CACNA2D1: variants seen among roughly 807,000 people sequenced by gnomAD.
CACNA2D1 encodes calcium voltage-gated channel auxiliary subunit alpha2delta 1, also known as voltage-dependent calcium channel subunit alpha-2/delta-1.
Under a neutral mutation model 171.5 loss-of-function variants are expected in CACNA2D1, and 53 were observed. That is an observed-to-expected ratio of 0.31 (90% confidence interval 0.25 to 0.39). The LOEUF is 0.39. Ranked by LOEUF, CACNA2D1 falls within the 10% of genes least tolerant of loss-of-function variation. The pLI is 1.00. For missense variants in CACNA2D1, 903 were observed against 1,299.8 expected, an observed-to-expected ratio of 0.69 and a Z score of 4.69; for synonymous variants, 442 against 443.1, an observed-to-expected ratio of 1.00 and a Z score of 0.03.
At chr7:81,978,130 C>T (rs2130567658) in intron 24 of CACNA2D1, among the ~76,000 whole-genome samples, 2 of 152,266 alleles carry the variant, frequency 1.3e-5, no homozygotes, top group Middle Eastern at 6.8e-3. Context: ...TGCTTTTACA[C>T]TGTTGGTGGG....
Position 81,964,257 on chromosome 7 carries a change from C to G in CACNA2D1, c.2677G>C (p.Glu893Gln). 1 of 1,612,810 alleles carries G rather than the reference C, an allele frequency of 6.2e-7. No individual in the cohort carries two copies. Among genetic ancestry groups the G allele is most frequent in the Non-Finnish European group, 8.5e-7 (1 of 1,179,216 alleles). ...NKSYDYQSVC[E>Q]PGAAPKQGAG... ...CCTTGTTTTGGTGCAGCACCGGGCT[C>G]ACATACTGACTGATAATCATAAGAT... Residue 893 changes from glutamate (E) to glutamine (Q), a missense_variant, in exon 33 of 39, where the codon GAG becomes CAG. Glu to Gln is a conservative substitution (Grantham distance 29, BLOSUM62 2). Coordinates refer to ENST00000356860, the MANE Select transcript of CACNA2D1 (RefSeq NM_000722.4).
intron 3 of CACNA2D1, among the ~76,000 whole-genome samples, chr7:82,239,042 TGAAAA>T (rs916463385): frequency 4.6e-5 from 7 of 152,216 alleles, no homozygotes; most frequent in African/African-American, 1.7e-4. Flanking sequence ...ATTCAACTGA[TGAAAA>T]GAAAATAGCA....
intron 12 of CACNA2D1, chr7:82,023,807 T>C (rs1050394802): frequency 2.6e-5 from 4 of 151,746 alleles, no homozygotes; most frequent in African/African-American, 9.7e-5. Context: ...GTCCACTGAT[T>C]AGTAACTCCC....
At chr7:82,365,505 A>G (rs1168282493) in intron 1 of CACNA2D1, among the ~76,000 whole-genome samples, 1 of 152,320 alleles carries the variant, frequency 6.6e-6, no homozygotes, top group East Asian at 1.9e-4. Context: ...ATTGATTTTC[A>G]TTACTCAAGA....
intron 20 of CACNA2D1, among the ~76,000 whole-genome samples, chr7:81,992,736 A>T (rs1050064434): frequency 6.6e-6 from 1 of 152,168 alleles, no homozygotes; most frequent in East Asian, 1.9e-4. Flanking sequence ...ATTATTACTA[A>T]TTTTTTAGTC....
rs1324664679 is a variant in CACNA2D1 at position 82,140,954 on chromosome 7, T to TAAAAAAAAAAAAAAAAAAAA, written c.355-4279_355-4278insTTTTTTTTTTTTTTTTTTTT. Among the ~76,000 whole-genome samples, 70 of 91,718 alleles carry TAAAAAAAAAAAAAAAAAAAA rather than the reference T, an allele frequency of 7.6e-4. 3 individuals carry two copies. Among genetic ancestry groups the TAAAAAAAAAAAAAAAAAAAA allele is most frequent in the African/African-American group, 2.7e-3 (53 of 19,574 alleles). 60.2% of individuals were successfully genotyped at this position (91,718 alleles called of 152,430 possible). On this transcript the variant is annotated intron_variant, in intron 4 of 38. Transcript: ENST00000356860. ...TAGGCGACAGAGCAAGACTCGTCTC[T>TAAAAAAAAAAAAAAAAAAAA]AAAAAAAAAAAAAAAGAAAAAAAAA... is the stretch of plus-strand genomic sequence containing the variant.
chr7:82,423,323 T>C (rs1828889717), intron 1 of CACNA2D1, among the ~76,000 whole-genome samples: 1 of 152,176 alleles, frequency 6.6e-6, no homozygotes, highest in Non-Finnish European at 1.5e-5. Context: ...GGATTAACAA[T>C]TTTACATACA....
chr7:82,373,851 T>C (rs1036448885), intron 1 of CACNA2D1, among the ~76,000 whole-genome samples: 1 of 152,252 alleles, frequency 6.6e-6, no homozygotes, highest in Admixed American at 6.5e-5. Context: ...TCATACATTT[T>C]AAAACAAAAA....
chr7:82,434,107 A>C (rs1199804210), intron 1 of CACNA2D1, among the ~76,000 whole-genome samples: 2 of 152,220 alleles, frequency 1.3e-5, no homozygotes, highest in Admixed American at 1.3e-4. Context: ...ATAGAGAAAG[A>C]GAAGAAAGAA....
intron 3 of CACNA2D1, among the ~76,000 whole-genome samples, chr7:82,181,528 T>A (rs908691573): frequency 3.2e-4 from 48 of 152,190 alleles, no homozygotes; most frequent in African/African-American, 1.7e-4. Flanking sequence ...GCCCTGTGAA[T>A]CTATGGGTTA....
chr7:82,328,474 C>T (rs1321474862), intron 3 of CACNA2D1, among the ~76,000 whole-genome samples: 3 of 152,096 alleles, frequency 2.0e-5, no homozygotes, highest in Non-Finnish European at 4.4e-5. Flanking sequence ...TCTTACTTTG[C>T]TCTCCCAAAT....
intron 7 of CACNA2D1, among the ~76,000 whole-genome samples, chr7:82,071,678 T>C (rs1808333809): frequency 6.6e-6 from 1 of 152,156 alleles, no homozygotes; most frequent in South Asian, 2.1e-4. Context: ...GCCAGAAGAA[T>C]GGCCTGTAAC....
chr7:82,185,425 A>C (rs1797560956), intron 3 of CACNA2D1, among the ~76,000 whole-genome samples: 1 of 144,662 alleles, frequency 6.9e-6, no homozygotes, highest in African/African-American at 2.6e-5. Context: ...TATCAATAAG[A>C]AAAATAAATA....
chr7:82,200,723 A>G (rs2129204547), intron 3 of CACNA2D1, among the ~76,000 whole-genome samples: 1 of 152,270 alleles, frequency 6.6e-6, no homozygotes, highest in Admixed American at 6.5e-5. Flanking sequence ...TCTGGACAGA[A>G]CTCAGGCCTA....
At chr7:82,081,965 C>G (rs549300008) in intron 7 of CACNA2D1, among the ~76,000 whole-genome samples, 1 of 152,330 alleles carries the variant, frequency 6.6e-6, no homozygotes, top group African/African-American at 2.4e-5. Context: ...ATAAGTGACT[C>G]TCATGGTGGA....
intron 10 of CACNA2D1, among the ~76,000 whole-genome samples, chr7:82,054,369 G>A (rs970410154): frequency 6.6e-6 from 1 of 152,178 alleles, no homozygotes; most frequent in East Asian, 1.9e-4. Context: ...GAATGCCAGA[G>A]AATTAACATT....
chr7:82,158,611 C>T (rs572374754), intron 4 of CACNA2D1, among the ~76,000 whole-genome samples: 2 of 152,012 alleles, frequency 1.3e-5, no homozygotes, highest in African/African-American at 4.8e-5. Context: ...ACTCAAAAGC[C>T]TCAGTGAAGT....
intron 3 of CACNA2D1, among the ~76,000 whole-genome samples, chr7:82,256,835 T>G (rs898500405): frequency 3.3e-5 from 5 of 152,128 alleles, no homozygotes; most frequent in Non-Finnish European, 5.9e-5. Context: ...GCAAAAAAAT[T>G]TTAGGTAAGA....
chr7:82,442,018 T>G (rs1830542435), intron 1 of CACNA2D1, among the ~76,000 whole-genome samples: 1 of 152,178 alleles, frequency 6.6e-6, no homozygotes, highest in Non-Finnish European at 1.5e-5. Flanking sequence ...ACCCTTTTGC[T>G]TCATAACAAA....
Sources: allele counts gnomAD v4.1 joint callset (sites outside exome capture counted in the v4.1 genomes callset), GRCh38; gene constraint gnomAD v4.1.1; transcripts MANE v1.5; gene names NCBI Gene and HGNC (gene_info 2026-07-23, HGNC 2026-07-21).